Variants in DECR2 observed in about 807,000 individuals in gnomAD.
DECR2 encodes 2,4-dienoyl-CoA reductase 2.
DECR2 carries 34 observed loss-of-function variants against 29.2 expected under a neutral mutation model. That is an observed-to-expected ratio of 1.16 (90% confidence interval 0.89 to 1.55). The LOEUF (loss-of-function observed/expected upper bound fraction) is 1.55. Ranked by LOEUF, DECR2 falls within the 40% of genes most tolerant of loss-of-function variation. DECR2 has a pLI of 0.00. For missense variants in DECR2, 485 were observed against 425.3 expected (o/e 1.14, Z -1.23); for synonymous variants, 224 against 182.7 (o/e 1.23, Z -1.82).
chr16:411,449 C>T lies in DECR2; in HGVS notation c.750C>T (p.Leu250=), dbSNP rs763826582. ...AGACCGAGATCGCCCACAGCGTGCT[C>T]TACCTGGCCAGCCCTCTGGCTTCCT... is the stretch of plus-strand genomic sequence containing the variant. The part of the protein sequence containing the change: ...GNKTEIAHSV[L]YLASPLASYV... The change falls in exon 8 of 9, where the codon CTC becomes CTT. Residue 250 remains leucine, a synonymous_variant. Transcript: ENST00000219481. The T allele has an allele frequency of 1.2e-6, 2 of 1,613,780 alleles. No individual in the cohort carries two copies. Among genetic ancestry groups the T allele is most frequent in the Admixed American group, 3.3e-5 (2 of 60,026 alleles).
intron 2 of DECR2, 171 bp downstream of exon 2, chr16:405,195 G>C: frequency 4.0e-6 from 3 of 745,708 alleles, no homozygotes; most frequent in Admixed American, 2.7e-5. Flanking sequence ...GATTGCCCTG[G>C]GGGGAGTCAG....
Position 410,417 on chromosome 16 carries a change from T to A in DECR2, c.462+50T>A, listed in dbSNP as rs565878000. 2.8e-5 allele frequency: 45 copies of A among 1,587,504 alleles called. 1 individual carries two copies. In the South Asian group the frequency reaches 4.6e-4, roughly 16 times the overall value. On this transcript the variant is annotated intron_variant, in intron 5 of 8. Coordinates refer to ENST00000219481, the MANE Select transcript of DECR2 (RefSeq NM_020664.4). This position sits in a 1 kb window ranked among gnomAD's most constrained non-coding sequence, Gnocchi z 4.1. ...GAAGTTCTTCCGGGTGGGTGCCTCG[T>A]GCGCTCTGTGAGAAGTTCTTCCGGG...
At chr16:406,928 C>A in intron 3 of DECR2, 1 of 1,030,894 alleles carries the variant, frequency 9.7e-7, no homozygotes, top group Non-Finnish European at 1.2e-6. Context: ...AAAACTTGCA[C>A]CTATCCTAAA....
intron 2 of DECR2, 96 bp downstream of exon 2, chr16:405,120 A>G: frequency 1.4e-6 from 2 of 1,450,790 alleles, no homozygotes; most frequent in Non-Finnish European, 1.9e-6. Flanking sequence ...TGGGAGGTAG[A>G]TGTCCCCTGC....
intron 1 of DECR2, 86 bp downstream of exon 1, chr16:402,129 C>T (rs939246646): frequency 9.0e-7 from 1 of 1,113,698 alleles, no homozygotes; most frequent in Non-Finnish European, 1.2e-6. Context: ...CCCGAGGGCT[C>T]GCGTGTTAGG....
chr16:407,445 G>T lies in DECR2; in HGVS notation c.222G>T (p.Gly74=). 6.2e-7 allele frequency: 1 copy of T among 1,610,214 alleles called. No homozygotes were observed. Among genetic ancestry groups the T allele is most frequent in the Non-Finnish European group, 8.5e-7 (1 of 1,178,984 alleles). ...RVLTAARKLA[G]ATGRRCLPLS... The stretch of plus-strand genomic sequence containing the variant: ...TCTAGGCCGCCAGGAAGCTGGCTGG[G>T]GCCACCGGCCGGCGCTGCCTCCCTC... Residue 74 remains glycine (G), a synonymous_variant, in exon 4 of 9, where the codon GGG becomes GGT. Coordinates refer to ENST00000219481, the MANE Select transcript of DECR2 (RefSeq NM_020664.4).
intron 1 of DECR2, among the ~76,000 whole-genome samples, chr16:402,367 C>T (rs1325525400): frequency 2.0e-5 from 3 of 152,002 alleles, no homozygotes; most frequent in African/African-American, 7.2e-5. Context: ...CTCCTGACCT[C>T]AGGTGATCCA....
intron 3 of DECR2, chr16:407,137 G>A (rs1269161779): frequency 2.4e-6 from 3 of 1,229,194 alleles, no homozygotes; most frequent in Non-Finnish European, 3.1e-6. Flanking sequence ...TCTCACCTGT[G>A]CCACCTCTGG....
chr16:405,021 T>TG lies in DECR2; in HGVS notation c.147dup (p.Arg50AlafsTer11). 2 of 1,614,148 alleles carry TG rather than the reference T, an allele frequency of 1.2e-6. No homozygotes were observed. On this transcript the variant is annotated frameshift_variant, in exon 2 of 9. Transcript: ENST00000219481. LOFTEE classifies it high-confidence loss of function. ...GGGTTCCGGATTGCTGAGATTTTCA[T>TG]GCGGTGAGACTGCTCTGTGTCCCTT...
rs974236470 is a variant in DECR2, at chr16:410,764, G to C, written c.536G>C (p.Gly179Ala). ...NRGQALQVHA[G>A]SAKAAVDAMT... ...GGGCAGGCGCTCCAGGTGCATGCAGGCTCCGCCAAGGCCGCTGTGGGTATG... is the reference window on the plus strand; with the variant it reads ...GGGCAGGCGCTCCAGGTGCATGCAGCCTCCGCCAAGGCCGCTGTGGGTATG... The change falls in exon 6 of 9, where the codon GGC becomes GCC. Residue 179 changes from glycine (G) to alanine (A), a missense_variant. By Grantham distance (60) the Gly-to-Ala change is moderately conservative. Coordinates refer to ENST00000219481, the MANE Select transcript of DECR2 (RefSeq NM_020664.4). The surrounding 1 kb of genome is among the most constrained non-coding windows in gnomAD (Gnocchi z 4.1). 6.2e-6 allele frequency: 10 copies of C among 1,602,192 alleles called. No individual in the cohort carries two copies. The highest frequency in any genetic ancestry group is 3.4e-5 in the Admixed American group (2 of 58,618).
At chr16:408,834 CTT>C (rs11418835) in intron 4 of DECR2, among the ~76,000 whole-genome samples, 12 of 140,464 alleles carry the variant, frequency 8.5e-5, no homozygotes, top group South Asian at 2.3e-4. Context: ...CCTGGCCTAG[CTT>C]TTTTTTTTTT....
Position 411,922 on chromosome 16 carries a change from C to G in DECR2, c.*33C>G. ...CCGGCCGCTGCTTCCTGCCGCCTCA[C>G]TCAGCCAGGTGGAGAGCACCAATCT... On this transcript the variant is annotated 3_prime_UTR_variant, in exon 9 of 9. Coordinates refer to ENST00000219481, the MANE Select transcript of DECR2 (RefSeq NM_020664.4). The G allele has an allele frequency of 3.3e-6, 1 of 299,444 alleles. No individual in the cohort carries two copies. The highest frequency in any genetic ancestry group is 7.0e-5 in the East Asian group (1 of 14,220). 18.5% of individuals were successfully genotyped at this position (299,444 alleles called of 1,614,324 possible).
Position 411,486 on chromosome 16 carries a change from G to T in DECR2, c.787G>T (p.Ala263Ser), listed in dbSNP as rs558341093. 5 of 1,613,994 alleles carry T rather than the reference G, an allele frequency of 3.1e-6. No homozygotes were observed. Among genetic ancestry groups the T allele is most frequent in the Non-Finnish European group, 4.2e-6 (5 of 1,180,006 alleles). ...ASPLASYVTG[A>S]VLVADGGAWL... ...CCCTCTGGCTTCCTACGTGACGGGG[G>T]CCGTGCTGGTGGCCGATGGCGGGGC... The change falls in exon 8 of 9, where the codon GCC becomes TCC. Residue 263 changes from alanine to serine, a missense_variant. By Grantham distance (99) the Ala-to-Ser change is moderately conservative. Coordinates refer to ENST00000219481, the MANE Select transcript of DECR2 (RefSeq NM_020664.4).
In DECR2 at chr16:406,526, C is replaced by T. The variant is rs989427487; in HGVS notation, c.201+129C>T. The stretch of plus-strand genomic sequence containing the variant: ...AACTTTTTTTTTCTGAGACGGGAGT[C>T]TCGCTCTGTCACCCAGGCTGAAGTG... On this transcript the variant is annotated intron_variant, in intron 3 of 8. Coordinates refer to ENST00000219481, the MANE Select transcript of DECR2 (RefSeq NM_020664.4). The T allele has an allele frequency of 1.7e-5, 15 of 875,256 alleles. No homozygotes were observed. In the African/African-American group the frequency reaches 2.0e-4, roughly 12 times the overall value. 54.2% of individuals were successfully genotyped at this position (875,256 alleles called of 1,614,324 possible). A position where few individuals can be genotyped will look rare whatever the true frequency, so the allele number is the denominator to read the frequency against.
intron 4 of DECR2, among the ~76,000 whole-genome samples, chr16:408,055 C>G (rs4997297): frequency 0.056 from 99 of 1,756 alleles, 28 homozygotes; most frequent in African/African-American, 0.25. Context: ...CTGTCTCCGG[C>G]CCTCTGTCTC....
rs1222954698 is a variant in DECR2, at chr16:405,004, G to A, written c.129G>A (p.Arg43=). 6.2e-7 allele frequency: 1 copy of A among 1,614,140 alleles called. No homozygotes were observed. Among genetic ancestry groups the A allele is most frequent in the South Asian group, 1.1e-5 (1 of 91,082 alleles). ...GAGGCGGCTCTGGGATTGGGTTCCG[G>A]ATTGCTGAGATTTTCATGCGGTGAG... ...ITGGGSGIGF[R]IAEIFMRHGC... Residue 43 remains arginine, a synonymous_variant, in exon 2 of 9, where the codon CGG becomes CGA. Coordinates refer to ENST00000219481, the MANE Select transcript of DECR2 (RefSeq NM_020664.4).
rs997380022 is a variant in DECR2, at chr16:410,855, A to G, written c.556+71A>G. The G allele has an allele frequency of 2.6e-6, 4 of 1,514,882 alleles. No homozygotes were observed. The highest frequency in any genetic ancestry group is 3.6e-6 in the Non-Finnish European group (4 of 1,119,344). 93.8% of individuals were successfully genotyped at this position (1,514,882 alleles called of 1,614,324 possible). On this transcript the variant is annotated intron_variant, in intron 6 of 8. Transcript: ENST00000219481. The surrounding 1 kb of genome is among the most constrained non-coding windows in gnomAD (Gnocchi z 4.1). ...ATGGGCCGTCTGCTTCCATCCCAGG[A>G]GGCCAGCAGTCTCCACTTGAAGCTG...
intron 1 of DECR2, 100 bp downstream of exon 1, chr16:402,143 C>A: frequency 1.1e-6 from 1 of 901,246 alleles, no homozygotes; most frequent in Non-Finnish European, 1.5e-6. Flanking sequence ...TGTTAGGAAA[C>A]CTGTCTTGCC....
chr16:408,982 C>A (rs2054777552), intron 4 of DECR2, among the ~76,000 whole-genome samples: 1 of 151,790 alleles, frequency 6.6e-6, no homozygotes, highest in Non-Finnish European at 1.5e-5. Flanking sequence ...CAGGCGCCCG[C>A]TACCACACCT....
Sources: allele counts gnomAD v4.1 joint callset (sites outside exome capture counted in the v4.1 genomes callset), GRCh38; gene constraint gnomAD v4.1.1; non-coding constraint Gnocchi (gnomAD v3.1); transcripts MANE v1.5; gene names NCBI Gene and HGNC (gene_info 2026-07-23, HGNC 2026-07-21).